Variants in MTPN observed in about 807,000 individuals in gnomAD.
The protein encoded by MTPN is myotrophin, also known as granule cell differentiation protein.
MTPN carries 2 observed loss-of-function variants against 13.5 expected under a neutral mutation model. The observed-to-expected ratio is 0.15, with a 90% CI of 0.06 to 0.47. MTPN has a LOEUF of 0.47. Ranked by LOEUF, MTPN falls within the 20% of genes least tolerant of loss-of-function variation. The pLI is 0.97. For missense variants in MTPN, 79 were observed against 137.9 expected (o/e 0.57, Z 2.14); for synonymous variants, 46 against 51.7 (o/e 0.89, Z 0.48).
intron 1 of MTPN, among the ~76,000 whole-genome samples, chr7:135,971,276 G>A (rs1313599157): frequency 6.6e-6 from 1 of 152,112 alleles, no homozygotes; most frequent in Non-Finnish European, 1.5e-5. Context: ...GTAAACAAGA[G>A]AGTACATGTA....
At chr7:135,935,538 C>A (rs1027276458) in intron 3 of MTPN, among the ~76,000 whole-genome samples, 1 of 152,236 alleles carries the variant, frequency 6.6e-6, no homozygotes, top group African/African-American at 2.4e-5. Flanking sequence ...CTGCGCCCGG[C>A]CTTTTTTATT....
chr7:135,977,083 G>C lies in MTPN; in HGVS notation c.18C>G (p.Phe6Leu). 6.2e-7 allele frequency: 1 copy of C among 1,614,162 alleles called. No homozygotes were observed. Among genetic ancestry groups the C allele is most frequent in the Non-Finnish European group, 8.5e-7 (1 of 1,180,046 alleles). ...AGTCTCCGTTTTTCAGGGCCCACAT[G>C]AACTCCTTGTCGCACATCACTGCAG... Reference protein sequence around the residue: MCDKEFMWALKNGDLD... With the variant: MCDKELMWALKNGDLD... The change falls in exon 1 of 4, where the codon TTC (phenylalanine) becomes TTG (leucine). Residue 6 changes from phenylalanine (F) to leucine (L), a missense_variant. Transcript: ENST00000393085.
intron 3 of MTPN, among the ~76,000 whole-genome samples, chr7:135,933,085 A>G (rs1467663021): frequency 7.4e-6 from 1 of 134,484 alleles, no homozygotes; most frequent in Non-Finnish European, 1.5e-5. Context: ...ACTGAGCAAG[A>G]CTCACTCAGC....
At chr7:135,972,237 A>G (rs199499579) in intron 1 of MTPN, among the ~76,000 whole-genome samples, 40 of 129,426 alleles carry the variant, frequency 3.1e-4, no homozygotes, top group African/African-American at 7.5e-4. Flanking sequence ...GCGCGCACAC[A>G]CACACACACA....
At chr7:135,938,526 T>C (rs1173203817) in intron 3 of MTPN, among the ~76,000 whole-genome samples, 3 of 152,238 alleles carry the variant, frequency 2.0e-5, no homozygotes, top group Admixed American at 6.5e-5. Context: ...AGCAACCTTA[T>C]GTTGATTTGA....
chr7:135,950,216 T>C (rs1023007428), intron 3 of MTPN, among the ~76,000 whole-genome samples: 1 of 152,176 alleles, frequency 6.6e-6, no homozygotes, highest in African/African-American at 2.4e-5. Flanking sequence ...TTCCAGAAAA[T>C]GAAACATATA....
At chr7:135,970,398 A>G (rs533986647) in intron 1 of MTPN, among the ~76,000 whole-genome samples, 2 of 152,314 alleles carry the variant, frequency 1.3e-5, no homozygotes, top group East Asian at 3.9e-4. Flanking sequence ...AATTAATTTA[A>G]TTTTACTTTT....
In MTPN at chr7:135,974,624, C is replaced by T. The variant is rs948094570; in HGVS notation, c.72+2405G>A. ...TTCTTAGGTTAACAATATGAGAGAT[C>T]TTCACAGGAATGTTGAGGAGAGTTT... On this transcript the variant is annotated intron_variant, in intron 1 of 3. Transcript: ENST00000393085. 2.0e-5 allele frequency among the ~76,000 whole-genome samples: 3 copies of T among 152,160 alleles called. No homozygotes were observed. In the East Asian group the frequency reaches 5.8e-4, roughly 29 times the overall value.
chr7:135,963,347 T>C (rs775794739), intron 1 of MTPN, among the ~76,000 whole-genome samples: 3 of 152,020 alleles, frequency 2.0e-5, no homozygotes, highest in Admixed American at 6.6e-5. Context: ...ATTTAGGATA[T>C]AACTTTGCAA....
chr7:135,961,506 G>A (rs1402147404), intron 1 of MTPN, among the ~76,000 whole-genome samples: 1 of 151,854 alleles, frequency 6.6e-6, no homozygotes, highest in South Asian at 2.1e-4. Flanking sequence ...TATTTGGAGA[G>A]AGTTTGAGAT....
At chr7:135,933,845 C>A (rs1255261642) in intron 3 of MTPN, among the ~76,000 whole-genome samples, 1 of 152,100 alleles carries the variant, frequency 6.6e-6, no homozygotes, top group African/African-American at 2.4e-5. Flanking sequence ...GTGACTGGAT[C>A]ACGGGTGCTA....
At chr7:135,963,687 A>C (rs1207206642) in intron 1 of MTPN, among the ~76,000 whole-genome samples, 2 of 152,078 alleles carry the variant, frequency 1.3e-5, no homozygotes, top group Non-Finnish European at 2.9e-5. Context: ...TCAAACTTTC[A>C]ATGATACAAA....
At chr7:135,947,765 G>A (rs1050683395) in intron 3 of MTPN, among the ~76,000 whole-genome samples, 32 of 151,664 alleles carry the variant, frequency 2.1e-4, no homozygotes, top group Non-Finnish European at 3.2e-4. Context: ...AGACCACCCC[G>A]AGATAAATGG....
intron 3 of MTPN, among the ~76,000 whole-genome samples, chr7:135,930,433 G>T (rs1272287606): frequency 6.6e-6 from 1 of 152,100 alleles, no homozygotes; most frequent in Non-Finnish European, 1.5e-5. Context: ...TTTGTAGAGT[G>T]CATTCAGTAT....
chr7:135,940,244 G>A (rs10244415), intron 3 of MTPN, among the ~76,000 whole-genome samples: 3,024 of 152,050 alleles, frequency 0.02, 99 homozygotes, highest in African/African-American at 0.07. Flanking sequence ...ATTCAATTTC[G>A]GAAACTACTA....
chr7:135,955,573 CTA>C (rs1799430031), intron 1 of MTPN, among the ~76,000 whole-genome samples: 1 of 152,152 alleles, frequency 6.6e-6, no homozygotes, highest in South Asian at 2.1e-4. Flanking sequence ...TCAACTCATT[CTA>C]TGAGTTCAGC....
intron 3 of MTPN, among the ~76,000 whole-genome samples, chr7:135,947,280 T>A (rs551402376): frequency 1.3e-5 from 2 of 152,282 alleles, no homozygotes; most frequent in South Asian, 4.1e-4. Context: ...CCTCTGGGCG[T>A]GGCCTTGGAT....
chr7:135,966,095 A>G lies in MTPN; in HGVS notation c.72+10934T>C, dbSNP rs201763913. Among the ~76,000 whole-genome samples the G allele has an allele frequency of 3.9e-5, 6 of 152,178 alleles. No homozygotes were observed. The East Asian group carries it at 5.8e-4, about 15-fold the overall frequency. ...AGACTGATTAATAGACATGTAATAC[A>G]TTAACAGATATTAAAAGTAGCTCCC... On this transcript the variant is annotated intron_variant, in intron 1 of 3. Transcript: ENST00000393085.
At position 135,977,141 on chromosome 7, in the gene MTPN, G is replaced by A; in HGVS notation, c.-41C>T. 1 of 1,606,622 alleles carries A rather than the reference G, an allele frequency of 6.2e-7. No individual in the cohort carries two copies. Among genetic ancestry groups the A allele is most frequent in the Non-Finnish European group, 8.5e-7 (1 of 1,173,844 alleles). Reference sequence around the variant, plus strand: ...GGCCGGTTGGCCGGGCAGAAGATGAGGAGGCGGTGGCAGCAGCAAGCGGAT... The same window carrying A: ...GGCCGGTTGGCCGGGCAGAAGATGAAGAGGCGGTGGCAGCAGCAAGCGGAT... On this transcript the variant is annotated 5_prime_UTR_variant, in exon 1 of 4. Coordinates refer to ENST00000393085, the MANE Select transcript of MTPN (RefSeq NM_145808.4).
Sources: allele counts gnomAD v4.1 joint callset (sites outside exome capture counted in the v4.1 genomes callset), GRCh38; gene constraint gnomAD v4.1.1; transcripts MANE v1.5; gene names NCBI Gene and HGNC (gene_info 2026-07-23, HGNC 2026-07-21).